HIVEP1: variants seen among roughly 807,000 people sequenced by gnomAD.
The protein encoded by HIVEP1 is zinc finger protein 40.
A neutral mutation model predicts 180.0 loss-of-function variants in HIVEP1; 36 were observed. The observed-to-expected ratio is 0.20, with a 90% CI of 0.15 to 0.26. The LOEUF is 0.26. HIVEP1 is among the 10% of genes least tolerant of loss of function. HIVEP1 has a pLI of 1.00. For synonymous variants in HIVEP1, 1,239 were observed against 1,239.0 expected (o/e 1.00, Z 0.00); for missense variants, 3,143 against 3,268.7 (o/e 0.96, Z 0.94).
At chr6:12,129,577 G>A (rs1286988000) in intron 4 of HIVEP1, 182 bp from the exon 5 acceptor site, 3 of 691,816 alleles carry the variant, frequency 4.3e-6, no homozygotes, top group Non-Finnish European at 8.1e-6. Flanking sequence ...TCAGTTTGCT[G>A]TGATTGAGAC....
intron 7 of HIVEP1, among the ~76,000 whole-genome samples, chr6:12,154,302 G>A (rs947212331): frequency 6.6e-6 from 1 of 152,152 alleles, no homozygotes; most frequent in Non-Finnish European, 1.5e-5. Context: ...CTTTACTCCT[G>A]TAAGAAACAG....
intron 4 of HIVEP1, among the ~76,000 whole-genome samples, chr6:12,126,127 A>G (rs1346369207): frequency 1.3e-5 from 2 of 152,200 alleles, no homozygotes; most frequent in African/African-American, 4.8e-5. Context: ...TTTCTCAGCT[A>G]ACTATATAAG....
rs35266647 is a variant in HIVEP1 at position 12,090,735 on chromosome 6, C to CTTTTTT, written c.94+1517_94+1522dup. 1.5e-3 allele frequency among the ~76,000 whole-genome samples: 125 copies of CTTTTTT among 82,428 alleles called. 2 individuals carry two copies. Among genetic ancestry groups the CTTTTTT allele is most frequent in the African/African-American group, 4.1e-3 (87 of 21,214 alleles). 54.1% of individuals were successfully genotyped at this position (82,428 alleles called of 152,430 possible). On this transcript the variant is annotated intron_variant, in intron 3 of 8. Coordinates refer to ENST00000379388, the MANE Select transcript of HIVEP1 (RefSeq NM_002114.4). ...AAAGTTTTCTTTCTCTATAGCCAGC[C>CTTTTTT]TTTTTTTTTTTTTTTTTTTTTTTTA...
downstream of HIVEP1, among the ~76,000 whole-genome samples, chr6:12,166,643 G>T (rs1562022957): frequency 6.6e-6 from 1 of 152,134 alleles, no homozygotes; most frequent in Non-Finnish European, 1.5e-5. Context: ...ATAATTTTGT[G>T]CTATTTCTCC....
At chr6:12,016,353 CT>C (rs1473644249) in intron 2 of HIVEP1, among the ~76,000 whole-genome samples, 16 of 152,086 alleles carry the variant, frequency 1.1e-4, no homozygotes, top group African/African-American at 3.4e-4. Flanking sequence ...TAGCAATTAT[CT>C]TTTATATTAA....
At chr6:12,184,022 T>TAGATAGATAGATAGATAGATAGAC in the HIVEP1 span, among the ~76,000 whole-genome samples, 4 of 101,980 alleles carry the variant, frequency 3.9e-5, no homozygotes, top group East Asian at 3.7e-4. Context: ...GATAGATAGA[T>TAGATAGATAGATAGATAGATAGAC]AGACAGACAG....
At chr6:12,046,251 A>G (rs1770106164) in intron 2 of HIVEP1, among the ~76,000 whole-genome samples, 1 of 152,220 alleles carries the variant, frequency 6.6e-6, no homozygotes, top group East Asian at 1.9e-4. Flanking sequence ...AAAATTAACC[A>G]TATGGTAATA....
intron 2 of HIVEP1, among the ~76,000 whole-genome samples, chr6:12,080,063 AG>A (rs1363664806): frequency 3.9e-5 from 6 of 152,108 alleles, no homozygotes; most frequent in African/African-American, 1.4e-4. Context: ...AAAAATATGC[AG>A]CAAAAGTTGG....
At chr6:12,084,807 G>A (rs1049851254) in intron 2 of HIVEP1, among the ~76,000 whole-genome samples, 11 of 152,168 alleles carry the variant, frequency 7.2e-5, no homozygotes, top group East Asian at 5.8e-4. Flanking sequence ...GGGTGCTAGC[G>A]CAGAGGCTAT....
chr6:12,168,312 T>TACA (rs1415988568), downstream of HIVEP1, among the ~76,000 whole-genome samples: 1,326 of 12,150 alleles, frequency 0.11, 29 homozygotes, highest in Non-Finnish European at 0.13. Context: ...TATACATATA[T>TACA]TATATACATA....
intron 3 of HIVEP1, among the ~76,000 whole-genome samples, chr6:12,112,897 G>C (rs545531478): frequency 2.0e-5 from 3 of 152,240 alleles, no homozygotes; most frequent in Non-Finnish European, 4.4e-5. Context: ...GGGGTAGAGG[G>C]TGTCCTCCTC....
the HIVEP1 span, among the ~76,000 whole-genome samples, chr6:12,175,480 T>C: frequency 6.6e-5 from 10 of 152,344 alleles, no homozygotes; most frequent in African/African-American, 2.4e-4. Context: ...ATTCAAGTTT[T>C]TCAATAATTT....
intron 2 of HIVEP1, among the ~76,000 whole-genome samples, chr6:12,080,174 T>C (rs1052045805): frequency 6.6e-6 from 1 of 152,196 alleles, no homozygotes; most frequent in African/African-American, 2.4e-5. Context: ...TTGACACCTG[T>C]CTAAAGAAGG....
rs1455051709 is a variant in HIVEP1 at position 12,021,267 on chromosome 6, C to T, written c.40+5599C>T. Reference sequence around the variant, plus strand: ...GATTGACACATGGGGTCGCTTTCCACGGTTGGCCTTCTTGTTCTCCACGGC... The same window carrying T: ...GATTGACACATGGGGTCGCTTTCCATGGTTGGCCTTCTTGTTCTCCACGGC... On this transcript the variant is annotated intron_variant, in intron 2 of 8. Coordinates refer to ENST00000379388, the MANE Select transcript of HIVEP1 (RefSeq NM_002114.4). Among the ~76,000 whole-genome samples the T allele has an allele frequency of 3.3e-5, 5 of 152,226 alleles. 1 individual carries two copies. The South Asian group carries it at 8.3e-4, about 25-fold the overall frequency.
At chr6:12,170,665 C>T in the HIVEP1 span, among the ~76,000 whole-genome samples, 5 of 152,086 alleles carry the variant, frequency 3.3e-5, no homozygotes, top group Non-Finnish European at 4.4e-5. Flanking sequence ...AGGCATCTGA[C>T]GAAGCCGCAA....
the HIVEP1 span, among the ~76,000 whole-genome samples, chr6:12,197,483 T>C: frequency 7.0e-6 from 1 of 142,150 alleles, no homozygotes. Flanking sequence ...CACTTGAACC[T>C]GGGAGGTTGC....
At chr6:12,133,553 A>T (rs1415590937) in intron 6 of HIVEP1, among the ~76,000 whole-genome samples, 1 of 152,256 alleles carries the variant, frequency 6.6e-6, no homozygotes, top group Non-Finnish European at 1.5e-5. Flanking sequence ...GTTGATTCAT[A>T]ATAAGTAATA....
chr6:12,041,828 T>C (rs1769744884), intron 2 of HIVEP1, among the ~76,000 whole-genome samples: 1 of 137,752 alleles, frequency 7.3e-6, no homozygotes. Context: ...CCTGGCTAAT[T>C]TTTTGTATTT....
Position 12,125,267 on chromosome 6 carries a change from T to C in HIVEP1, c.5472T>C (p.Ser1824=), listed in dbSNP as rs1416254779. 19 of 1,614,004 alleles carry C rather than the reference T, an allele frequency of 1.2e-5. No homozygotes were observed. The highest frequency in any genetic ancestry group is 1.6e-5 in the Non-Finnish European group (19 of 1,179,988). ...ATGTTTTTTCTCAACCTGAAATTAG[T>C]AATGAGGCTGTTAATTTGACAAATG... ...EKDVFSQPEI[S]NEAVNLTNVL... Residue 1824 remains serine (S), a synonymous_variant, in exon 4 of 9, where the codon AGT becomes AGC. Coordinates refer to ENST00000379388, the MANE Select transcript of HIVEP1 (RefSeq NM_002114.4).
Sources: gnomAD v4.1 joint callset for allele counts (sites outside exome capture counted in the v4.1 genomes callset) on GRCh38, gnomAD v4.1.1 for gene constraint, MANE v1.5 for transcripts, NCBI Gene and HGNC (gene_info 2026-07-23, HGNC 2026-07-21) for gene names.